The following SIM2 variants were observed in gnomAD, a reference collection of about 807,000 sequenced individuals.
SIM2 encodes SIM bHLH transcription factor 2.
SIM2 carries 28 observed loss-of-function variants against 64.8 expected under a neutral mutation model. That is an observed-to-expected ratio of 0.43 (90% CI 0.32 to 0.59). The LOEUF (loss-of-function observed/expected upper bound fraction) is 0.59, where lower values mean the gene tolerates loss of function less well. Ranked by LOEUF, SIM2 falls within the 20% of genes least tolerant of loss-of-function variation. SIM2 has a pLI of 0.07. For synonymous variants in SIM2, 408 were observed against 391.1 expected, an observed-to-expected ratio of 1.04 and a Z score of -0.51; for missense variants, 847 against 871.4, an observed-to-expected ratio of 0.97 and a Z score of 0.35.
chr21:36,745,739 C>T lies in SIM2; in HGVS notation c.1576+603C>T, dbSNP rs184380966. 5.1e-5 allele frequency: 66 copies of T among 1,294,362 alleles called. No homozygotes were observed. In the East Asian group the frequency reaches 3.5e-3, roughly 68 times the overall value. The allele number at this position is 1,294,362 out of a possible 1,614,324, so 80.2% of individuals were successfully genotyped here. On this transcript the variant is annotated intron_variant, in intron 10 of 10. Transcript: ENST00000290399. This position sits in a 1 kb window ranked among gnomAD's most constrained non-coding sequence, Gnocchi z 4.8. ...GACACGACACACAGTAGGGACCTGC[C>T]CTGTACATGCTAGTTCAACAGAAAG...
chr21:36,704,068 G>T (rs188996948), intron 1 of SIM2, among the ~76,000 whole-genome samples: 1 of 152,238 alleles, frequency 6.6e-6, no homozygotes, highest in Non-Finnish European at 1.5e-5. Flanking sequence ...GAGGGAGAAA[G>T]AATTGCTACT....
chr21:36,712,627 G>A lies in SIM2; in HGVS notation c.348+5G>A. On this transcript the variant is annotated splice_donor_5th_base_variant and intron_variant, in intron 3 of 10. Coordinates refer to ENST00000290399, the MANE Select transcript of SIM2 (RefSeq NM_005069.6). ...GTCCATTTAGGCTTATCCCAGGTGG[G>A]TATTGCCTAATTTTATGTGCAACCA... is the stretch of plus-strand genomic sequence containing the variant. The A allele has an allele frequency of 3.8e-6, 6 of 1,599,478 alleles. No homozygotes were observed. The highest frequency in any genetic ancestry group is 4.3e-6 in the Non-Finnish European group (5 of 1,169,822).
At position 36,749,225 on chromosome 21, in the gene SIM2, G is replaced by GA. The variant is rs762417762; in HGVS notation, c.*1138dup. ...GGTTTTGCTTAAAGATCTCAACATG[G>GA]AAAAATCCTGTCATGGCTCTGAACT... is the stretch of plus-strand genomic sequence containing the variant. On this transcript the variant is annotated 3_prime_UTR_variant, in exon 11 of 11. Coordinates refer to ENST00000290399, the MANE Select transcript of SIM2 (RefSeq NM_005069.6). 6.5e-6 allele frequency: 1 copy of GA among 152,738 alleles called. No individual in the cohort carries two copies. The highest frequency in any genetic ancestry group is 2.1e-4 in the South Asian group (1 of 4,822). The allele number at this position is 152,738 out of a possible 1,614,324, so 9.5% of individuals were successfully genotyped here. A position where few individuals can be genotyped will look rare whatever the true frequency, so the allele number is the denominator to read the frequency against.
At chr21:36,714,939 A>C (rs139817037) in intron 3 of SIM2, among the ~76,000 whole-genome samples, 67 of 152,338 alleles carry the variant, frequency 4.4e-4, no homozygotes, top group Admixed American at 3.4e-3. Flanking sequence ...AAAACTTTGC[A>C]TCATAATTTT....
At chr21:36,746,251 G>T (rs2089226044) in intron 10 of SIM2, 1 of 174,046 alleles carries the variant, frequency 5.7e-6, no homozygotes, top group Non-Finnish European at 1.3e-5. Flanking sequence ...GGAGGTGGAG[G>T]TTGCAGTGAG....
At chr21:36,733,582 CAG>C (rs2089001810) in intron 7 of SIM2, among the ~76,000 whole-genome samples, 1 of 138,182 alleles carries the variant, frequency 7.2e-6, no homozygotes, top group Non-Finnish European at 1.6e-5. Flanking sequence ...TTTTTTCAGA[CAG>C]AGTCTTGCTC....
rs558114323 is a variant in SIM2 at position 36,748,134 on chromosome 21, G to C, written c.*42G>C. 590 of 1,121,436 alleles carry C rather than the reference G, an allele frequency of 5.3e-4. No homozygotes were observed. The highest frequency in any genetic ancestry group is 6.2e-4 in the Non-Finnish European group (564 of 906,338). The allele number at this position is 1,121,436 out of a possible 1,614,324, so 69.5% of individuals were successfully genotyped here. ...GCCAGGAGCCTGGACCCGGCCTCCC[G>C]GGGCTGCGGCGCCACCGAGCCCGGC... is the stretch of plus-strand genomic sequence containing the variant. On this transcript the variant is annotated 3_prime_UTR_variant, in exon 11 of 11. Coordinates refer to ENST00000290399, the MANE Select transcript of SIM2 (RefSeq NM_005069.6).
intron 3 of SIM2, among the ~76,000 whole-genome samples, chr21:36,719,344 G>T (rs1320552556): frequency 3.9e-5 from 6 of 152,264 alleles, no homozygotes; most frequent in Non-Finnish European, 7.3e-5. Flanking sequence ...GCCGTGGACG[G>T]CTGGTCGGCC....
At position 36,749,236 on chromosome 21, in the gene SIM2, T is replaced by C. The variant is rs2051397; in HGVS notation, c.*1144T>C. The C allele has an allele frequency of 0.54, 82,139 of 152,520 alleles. 22,621 individuals are homozygous for C. Among genetic ancestry groups the C allele is most frequent in the Middle Eastern group, 0.68 (199 of 292 alleles). The allele number at this position is 152,520 out of a possible 1,614,324, so 9.4% of individuals were successfully genotyped here. A position where few individuals can be genotyped will look rare whatever the true frequency, so the allele number is the denominator to read the frequency against. Reference sequence around the variant, plus strand: ...AAGATCTCAACATGGAAAAATCCTGTCATGGCTCTGAACTGCACAATGCAT... The same window carrying C: ...AAGATCTCAACATGGAAAAATCCTGCCATGGCTCTGAACTGCACAATGCAT... On this transcript the variant is annotated 3_prime_UTR_variant, in exon 11 of 11. Transcript: ENST00000290399.
chr21:36,706,271 G>C (rs2088580064), intron 1 of SIM2, among the ~76,000 whole-genome samples: 1 of 152,186 alleles, frequency 6.6e-6, no homozygotes, highest in Non-Finnish European at 1.5e-5. Flanking sequence ...TCTCCCTGGG[G>C]GTCCCAGCAA....
chr21:36,718,457 C>T (rs2088774991), intron 3 of SIM2, among the ~76,000 whole-genome samples: 1 of 152,228 alleles, frequency 6.6e-6, no homozygotes, highest in African/African-American at 2.4e-5. Flanking sequence ...CAGCAAGACA[C>T]ACCTAAAAAT....
rs563498396 is a variant in SIM2 at position 36,745,838 on chromosome 21, C to T, written c.1576+702C>T. On this transcript the variant is annotated intron_variant, in intron 10 of 10. Coordinates refer to ENST00000290399, the MANE Select transcript of SIM2 (RefSeq NM_005069.6). This position sits in a 1 kb window ranked among gnomAD's most constrained non-coding sequence, Gnocchi z 4.8. ...CGGAGATACCGCCAGCTCCCCAGGA[C>T]GCAGACTGACTCCTGTTTGCTCGCT... 240 of 1,303,830 alleles carry T rather than the reference C, an allele frequency of 1.8e-4. No individual in the cohort carries two copies. Among genetic ancestry groups the T allele is most frequent in the East Asian group, 2.8e-4 (5 of 18,028 alleles). The allele number at this position is 1,303,830 out of a possible 1,614,324, so 80.8% of individuals were successfully genotyped here.
At chr21:36,730,022 T>C (rs2088944030) in intron 6 of SIM2, among the ~76,000 whole-genome samples, 1 of 152,186 alleles carries the variant, frequency 6.6e-6, no homozygotes. Flanking sequence ...TTAGTCACAA[T>C]ATCTTAGGGC....
At chr21:36,722,541 G>A (rs1421412680) in intron 4 of SIM2, among the ~76,000 whole-genome samples, 1 of 152,210 alleles carries the variant, frequency 6.6e-6, no homozygotes, top group Admixed American at 6.5e-5. Context: ...ATTGACAATA[G>A]TGAGGTCAGA....
chr21:36,703,260 G>A (rs1051467706), intron 1 of SIM2, among the ~76,000 whole-genome samples: 1 of 152,238 alleles, frequency 6.6e-6, no homozygotes, highest in Non-Finnish European at 1.5e-5. Flanking sequence ...CCACTTGGTA[G>A]CCAGTTCAAG....
chr21:36,707,942 G>A (rs1038971820), intron 1 of SIM2, among the ~76,000 whole-genome samples: 3 of 152,220 alleles, frequency 2.0e-5, no homozygotes. Context: ...GACGGCAGTG[G>A]GGGGCTGGGG....
At chr21:36,744,310 A>AC (rs71326701) in intron 9 of SIM2, among the ~76,000 whole-genome samples, 30,854 of 130,338 alleles carry the variant, frequency 0.24, 3,858 homozygotes, top group Middle Eastern at 0.37. Context: ...CCACATTATG[A>AC]CAAAAAAAAA....
rs397745704 is a variant in SIM2, at chr21:36,700,285, T to TC, written c.175+364_175+365insC. On this transcript the variant is annotated intron_variant, in intron 1 of 10. Transcript: ENST00000290399. ...GCATTCTGGTTTGGTTTGGATTTTT[T>TC]TCTCTCTTTCTTTCCTTTCTTTCTT... Among the ~76,000 whole-genome samples, 47 of 150,862 alleles carry TC rather than the reference T, an allele frequency of 3.1e-4. 1 individual carries two copies. The highest frequency in any genetic ancestry group is 3.1e-4 in the Non-Finnish European group (21 of 67,756).
In SIM2 at chr21:36,699,481, T is replaced by C; in HGVS notation, c.-266T>C. 3.7e-6 allele frequency: 1 copy of C among 272,148 alleles called. No individual in the cohort carries two copies. Among genetic ancestry groups the C allele is most frequent in the Non-Finnish European group, 6.8e-6 (1 of 147,498 alleles). The allele number at this position is 272,148 out of a possible 1,614,324, so 16.9% of individuals were successfully genotyped here. On this transcript the variant is annotated 5_prime_UTR_variant, in exon 1 of 11. Transcript: ENST00000290399. This position sits in a 1 kb window ranked among gnomAD's most constrained non-coding sequence, Gnocchi z 5.6. ...AAACAGGAGCGAGCAGGAACGGGGC[T>C]CCGGTTGCTGCAGGACGGTCCAGCC...
Sources: allele counts gnomAD v4.1 joint callset (sites outside exome capture counted in the v4.1 genomes callset), GRCh38; gene constraint gnomAD v4.1.1; non-coding constraint Gnocchi (gnomAD v3.1); transcripts MANE v1.5; gene names NCBI Gene and HGNC (gene_info 2026-07-23, HGNC 2026-07-21).